The following SPAG16 variants were observed in gnomAD, a reference collection of about 807,000 sequenced individuals.
SPAG16 encodes sperm-associated antigen 16 protein.
In SPAG16, 86 loss-of-function variants were observed where a neutral mutation model predicts 80.4. That is an observed-to-expected ratio of 1.07 (90% CI 0.90 to 1.28). The LOEUF is 1.28. SPAG16 is among the 50% of genes most tolerant of loss of function. The pLI is 0.00. For missense variants in SPAG16, 870 were observed against 765.3 expected (o/e 1.14, Z -1.61); for synonymous variants, 294 against 265.9 (o/e 1.11, Z -1.03).
At chr2:213,638,041 G>A (rs2125103420) in intron 10 of SPAG16, among the ~76,000 whole-genome samples, 1 of 152,324 alleles carries the variant, frequency 6.6e-6, no homozygotes, top group African/African-American at 2.4e-5. Flanking sequence ...ACAGGCGTGA[G>A]CCATCGTGCC....
At chr2:214,364,748 G>A (rs1699376667) in intron 15 of SPAG16, among the ~76,000 whole-genome samples, 1 of 152,172 alleles carries the variant, frequency 6.6e-6, no homozygotes, top group Non-Finnish European at 1.5e-5. Context: ...CACTTTGGAG[G>A]AAGAATTCAT....
chr2:213,981,609 A>G (rs753897077), intron 12 of SPAG16, among the ~76,000 whole-genome samples: 4 of 152,122 alleles, frequency 2.6e-5, no homozygotes. Flanking sequence ...GAAAATGAAA[A>G]TAGCGTACCT....
intron 11 of SPAG16, among the ~76,000 whole-genome samples, chr2:213,893,335 A>G (rs2076858098): frequency 6.6e-6 from 1 of 151,522 alleles, no homozygotes; most frequent in South Asian, 2.1e-4. Flanking sequence ...CATCTGAAAG[A>G]AAAAAAAATG....
intron 12 of SPAG16, among the ~76,000 whole-genome samples, chr2:214,000,540 G>A (rs989318401): frequency 6.6e-6 from 1 of 152,154 alleles, no homozygotes; most frequent in African/African-American, 2.4e-5. Context: ...TATTTATTGA[G>A]TACCCACTCT....
At chr2:213,887,633 T>C (rs2076612654) in intron 11 of SPAG16, among the ~76,000 whole-genome samples, 2 of 151,668 alleles carry the variant, frequency 1.3e-5, no homozygotes, top group South Asian at 2.1e-4. Context: ...TTCAGGTGAA[T>C]TCAGATCATA....
intron 10 of SPAG16, among the ~76,000 whole-genome samples, chr2:213,727,433 C>T (rs149906533): frequency 1.3e-5 from 2 of 151,916 alleles, no homozygotes; most frequent in East Asian, 3.9e-4. Context: ...TGCTTGATAT[C>T]AATTTTAAAT....
chr2:213,616,883 T>C (rs1157238099), intron 10 of SPAG16, among the ~76,000 whole-genome samples: 1 of 152,102 alleles, frequency 6.6e-6, no homozygotes, highest in Admixed American at 6.6e-5. Context: ...AGAAGCAGTA[T>C]TGGGAATAGG....
At chr2:213,898,376 C>A (rs1321183514) in intron 11 of SPAG16, among the ~76,000 whole-genome samples, 1 of 152,098 alleles carries the variant, frequency 6.6e-6, no homozygotes, top group African/African-American at 2.4e-5. Flanking sequence ...TAAATGCTTA[C>A]CTGAGGGTTA....
chr2:214,215,403 C>T (rs1421868115), intron 15 of SPAG16, among the ~76,000 whole-genome samples: 5 of 152,124 alleles, frequency 3.3e-5, no homozygotes, highest in Admixed American at 3.3e-4. Context: ...ATCAGGCCAC[C>T]TTTGATTCCA....
chr2:214,134,883 A>G (rs1412910669), intron 14 of SPAG16, among the ~76,000 whole-genome samples: 1 of 152,202 alleles, frequency 6.6e-6, no homozygotes, highest in Non-Finnish European at 1.5e-5. Context: ...TAACCTCATC[A>G]TTAATTCACC....
intron 10 of SPAG16, among the ~76,000 whole-genome samples, chr2:213,561,519 A>T (rs971132356): frequency 6.6e-6 from 1 of 152,180 alleles, no homozygotes; most frequent in African/African-American, 2.4e-5. Flanking sequence ...GTACCAAAAT[A>T]TCTCTTGTAC....
At chr2:214,099,209 A>T (rs1260521519) in intron 13 of SPAG16, among the ~76,000 whole-genome samples, 1 of 152,092 alleles carries the variant, frequency 6.6e-6, no homozygotes, top group Non-Finnish European at 1.5e-5. Context: ...TTTTCCTGGG[A>T]GAGTGGTGAC....
intron 12 of SPAG16, among the ~76,000 whole-genome samples, chr2:213,958,067 A>G (rs2044236960): frequency 6.6e-6 from 1 of 152,174 alleles, no homozygotes; most frequent in Admixed American, 6.5e-5. Flanking sequence ...TGAGCCAACC[A>G]GAAGAGGAAA....
At chr2:214,028,762 T>A (rs941161762) in intron 13 of SPAG16, among the ~76,000 whole-genome samples, 3 of 151,998 alleles carry the variant, frequency 2.0e-5, no homozygotes, top group African/African-American at 7.2e-5. Context: ...TTGTTAAAAA[T>A]GTATGTATGT....
In SPAG16 at chr2:214,040,274, G is replaced by A. The variant is rs569162086; in HGVS notation, c.1527+26197G>A. 5.9e-5 allele frequency among the ~76,000 whole-genome samples: 9 copies of A among 152,194 alleles called. No individual in the cohort carries two copies. The South Asian group carries it at 1.9e-3, about 32-fold the overall frequency. Reference sequence around the variant, plus strand: ...AGAAGTGTAGTTGAATTTGGGGGAAGGACTGATATCTCTTTCTTCCATTCT... The same window carrying A: ...AGAAGTGTAGTTGAATTTGGGGGAAAGACTGATATCTCTTTCTTCCATTCT... On this transcript the variant is annotated intron_variant, in intron 13 of 15. Transcript: ENST00000331683.
intron 10 of SPAG16, among the ~76,000 whole-genome samples, chr2:213,771,311 C>A (rs2069232625): frequency 6.6e-6 from 1 of 151,456 alleles, no homozygotes; most frequent in African/African-American, 2.4e-5. Flanking sequence ...TGTTTTTTTC[C>A]TTGTAAATTT....
chr2:214,091,103 C>G (rs2052164584), intron 13 of SPAG16, among the ~76,000 whole-genome samples: 1 of 152,006 alleles, frequency 6.6e-6, no homozygotes, highest in Non-Finnish European at 1.5e-5. Flanking sequence ...GTTTCTCCCT[C>G]TATTCCCTAC....
chr2:214,166,159 T>G (rs1378729336), intron 15 of SPAG16, among the ~76,000 whole-genome samples: 1 of 152,072 alleles, frequency 6.6e-6, no homozygotes, highest in Non-Finnish European at 1.5e-5. Context: ...ACAAAGGCAG[T>G]GGAAAAATGG....
intron 10 of SPAG16, among the ~76,000 whole-genome samples, chr2:213,826,837 T>C (rs187460868): frequency 9.5e-4 from 144 of 152,164 alleles, no homozygotes; most frequent in Non-Finnish European, 1.7e-3. Context: ...AAGTGAGGCA[T>C]TGAAGTCTCT....
Sources: gnomAD v4.1 joint callset for allele counts (sites outside exome capture counted in the v4.1 genomes callset) on GRCh38, gnomAD v4.1.1 for gene constraint, MANE v1.5 for transcripts, NCBI Gene and HGNC (gene_info 2026-07-23, HGNC 2026-07-21) for gene names.